TBC1D5: variants seen among roughly 807,000 people sequenced by gnomAD.
TBC1D5 encodes TBC1 domain family member 5.
Under a neutral mutation model 100.3 loss-of-function variants are expected in TBC1D5, and 75 were observed. The ratio of observed to expected loss-of-function variants is 0.75; its 90% confidence interval spans 0.62 to 0.91. The LOEUF (loss-of-function observed/expected upper bound fraction) is 0.91. Among genes scored for constraint, TBC1D5 ranks in the 40% least tolerant of loss-of-function variants. TBC1D5 has a pLI of 0.00. For missense variants in TBC1D5, 910 were observed against 942.4 expected, an observed-to-expected ratio of 0.97 and a Z score of 0.45; for synonymous variants, 323 against 325.6, an observed-to-expected ratio of 0.99 and a Z score of 0.09.
chr3:17,701,499 G>A (rs774179096), intron 1 of TBC1D5, among the ~76,000 whole-genome samples: 1 of 152,064 alleles, frequency 6.6e-6, no homozygotes, highest in Non-Finnish European at 1.5e-5. Context: ...AGTCTCCTGG[G>A]TGGCGCACAA....
intron 1 of TBC1D5, among the ~76,000 whole-genome samples, chr3:17,722,963 T>C (rs1430117982): frequency 6.6e-6 from 1 of 152,216 alleles, no homozygotes; most frequent in Non-Finnish European, 1.5e-5. Flanking sequence ...TAGCAGGACA[T>C]GGTTTTCCCC....
intron 2 of TBC1D5, among the ~76,000 whole-genome samples, chr3:17,564,781 T>A (rs778313620): frequency 1.3e-5 from 2 of 152,050 alleles, no homozygotes; most frequent in Non-Finnish European, 2.9e-5. Context: ...CAAATCAGCA[T>A]CCAGACATCA....
intron 2 of TBC1D5, among the ~76,000 whole-genome samples, chr3:17,575,747 T>C (rs550117333): frequency 1.3e-5 from 2 of 152,212 alleles, no homozygotes; most frequent in South Asian, 2.1e-4. Context: ...TGGAGGGTAA[T>C]ATGTACCAAC....
intron 3 of TBC1D5, among the ~76,000 whole-genome samples, chr3:17,493,949 A>G (rs1475888390): frequency 2.6e-5 from 4 of 152,182 alleles, no homozygotes; most frequent in Admixed American, 2.6e-4. Flanking sequence ...TCTCAGCCTC[A>G]GCCCAGTTCT....
At chr3:17,440,178 A>C (rs1439182878) in intron 3 of TBC1D5, among the ~76,000 whole-genome samples, 1 of 152,322 alleles carries the variant, frequency 6.6e-6, no homozygotes, top group South Asian at 2.1e-4. Context: ...ATGTTATACA[A>C]GATTACTATA....
At chr3:17,169,732 A>T (rs553767346) in intron 19 of TBC1D5, among the ~76,000 whole-genome samples, 8 of 152,374 alleles carry the variant, frequency 5.3e-5, no homozygotes, top group Admixed American at 2.6e-4. Context: ...AGACATTAAC[A>T]GTAAGCAACT....
chr3:17,298,679 G>A (rs1198208584), intron 14 of TBC1D5, among the ~76,000 whole-genome samples: 1 of 152,062 alleles, frequency 6.6e-6, no homozygotes, highest in Non-Finnish European at 1.5e-5. Context: ...TCTAGAAAAT[G>A]GAATATTAGT....
intron 1 of TBC1D5, among the ~76,000 whole-genome samples, chr3:17,704,105 T>G (rs2073617576): frequency 7.0e-6 from 1 of 142,762 alleles, no homozygotes; most frequent in Non-Finnish European, 1.5e-5. Context: ...TACTTGAGAT[T>G]AGGGATTGGT....
intron 18 of TBC1D5, among the ~76,000 whole-genome samples, chr3:17,191,203 A>AG (rs1374266374): frequency 6.6e-6 from 1 of 152,234 alleles, no homozygotes; most frequent in Non-Finnish European, 1.5e-5. Flanking sequence ...AGTATATACT[A>AG]GGCTTGACAC....
intron 1 of TBC1D5, among the ~76,000 whole-genome samples, chr3:17,708,723 T>C (rs1247885164): frequency 6.6e-6 from 1 of 152,230 alleles, no homozygotes; most frequent in Non-Finnish European, 1.5e-5. Context: ...GGGTTATATG[T>C]ATTGATATAT....
At chr3:17,389,902 A>C (rs2093298982) in intron 8 of TBC1D5, among the ~76,000 whole-genome samples, 1 of 152,100 alleles carries the variant, frequency 6.6e-6, no homozygotes, top group Non-Finnish European at 1.5e-5. Flanking sequence ...AAATGGTAAA[A>C]CTATAATTCT....
chr3:17,566,551 A>G (rs1408412013), intron 2 of TBC1D5, among the ~76,000 whole-genome samples: 2 of 151,892 alleles, frequency 1.3e-5, no homozygotes, highest in African/African-American at 4.8e-5. Flanking sequence ...TCAAAATAAG[A>G]ATCTTAAGAG....
chr3:17,295,747 A>G (rs1047893027), intron 14 of TBC1D5, among the ~76,000 whole-genome samples: 3 of 152,218 alleles, frequency 2.0e-5, no homozygotes, highest in Non-Finnish European at 4.4e-5. Context: ...AAACTACCAC[A>G]AAACACGAAA....
intron 19 of TBC1D5, among the ~76,000 whole-genome samples, chr3:17,176,911 T>C (rs2067812337): frequency 6.6e-6 from 1 of 152,126 alleles, no homozygotes; most frequent in Admixed American, 6.5e-5. Context: ...GGAGCCTAAG[T>C]GAGGATATCC....
intron 9 of TBC1D5, among the ~76,000 whole-genome samples, chr3:17,379,909 C>A (rs754124144): frequency 1.3e-5 from 2 of 151,490 alleles, no homozygotes; most frequent in African/African-American, 4.9e-5. Flanking sequence ...TCTTATTGTA[C>A]CATACTCAAC....
chr3:17,569,371 T>C (rs2096612778), intron 2 of TBC1D5, among the ~76,000 whole-genome samples: 1 of 151,888 alleles, frequency 6.6e-6, no homozygotes, highest in Non-Finnish European at 1.5e-5. Flanking sequence ...TAAAAGTACA[T>C]GTCATGGAAT....
At chr3:17,435,423 A>C (rs777013620) in intron 3 of TBC1D5, among the ~76,000 whole-genome samples, 2 of 152,210 alleles carry the variant, frequency 1.3e-5, no homozygotes, top group African/African-American at 2.4e-5. Context: ...GGGAGGCCTC[A>C]GGAAACTTAC....
chr3:17,677,421 G>A lies in TBC1D5; in HGVS notation c.-100-53508C>T, dbSNP rs561826683. Among the ~76,000 whole-genome samples, 12 of 152,302 alleles carry A rather than the reference G, an allele frequency of 7.9e-5. 1 individual carries two copies. Among genetic ancestry groups the A allele is most frequent in the Admixed American group, 7.2e-4 (11 of 15,308 alleles). On this transcript the variant is annotated intron_variant, in intron 1 of 21. Transcript: ENST00000253692. ...AAATGCTCATCATCACTGGCCATCA[G>A]AGAAATGCAAAGCAAAACCACAATG... is the stretch of plus-strand genomic sequence containing the variant.
At chr3:17,731,188 A>G (rs551954671) in intron 1 of TBC1D5, among the ~76,000 whole-genome samples, 6 of 152,268 alleles carry the variant, frequency 3.9e-5, no homozygotes, top group Admixed American at 2.0e-4. Flanking sequence ...ACAAAATCAC[A>G]TAATATAAGG....
Sources: gnomAD v4.1 joint callset for allele counts (sites outside exome capture counted in the v4.1 genomes callset) on GRCh38, gnomAD v4.1.1 for gene constraint, MANE v1.5 for transcripts, NCBI Gene and HGNC (gene_info 2026-07-23, HGNC 2026-07-21) for gene names.